APPL1: variants seen among roughly 807,000 people sequenced by gnomAD.
APPL1 encodes DCC-interacting protein 13-alpha.
Under a neutral mutation model 106.8 loss-of-function variants are expected in APPL1, and 42 were observed. The observed-to-expected ratio is 0.39, with a 90% CI of 0.31 to 0.51. The LOEUF is 0.51. Ranked by LOEUF, APPL1 falls within the 20% of genes least tolerant of loss-of-function variation. The probability of loss-of-function intolerance (pLI) is 0.75; values close to 1 mark genes in which losing one functional copy is unlikely to be tolerated. For synonymous variants in APPL1, 263 were observed against 281.8 expected, an observed-to-expected ratio of 0.93 and a Z score of 0.67; for missense variants, 769 against 858.2, an observed-to-expected ratio of 0.90 and a Z score of 1.30.
At chr3:57,242,021 G>C (rs1022893304) in intron 5 of APPL1, 80 bp from the exon 6 acceptor site, 1 of 984,214 alleles carries the variant, frequency 1.0e-6, no homozygotes, top group African/African-American at 1.7e-5. Context: ...TTTAATTATA[G>C]TTTAAGTAGC....
intron 11 of APPL1, among the ~76,000 whole-genome samples, chr3:57,250,109 T>C (rs1453459271): frequency 6.6e-6 from 1 of 152,242 alleles, no homozygotes; most frequent in East Asian, 1.9e-4. Context: ...CAGATTATTT[T>C]TCCATTAATG....
intron 20 of APPL1, 197 bp downstream of exon 20, chr3:57,267,989 G>T (rs944086614): frequency 3.8e-5 from 23 of 600,528 alleles, no homozygotes; most frequent in Non-Finnish European, 6.7e-5. Flanking sequence ...CTACTGAGGA[G>T]GTCTGAGGCA....
At position 57,252,165 on chromosome 3, in the gene APPL1, G is replaced by T; in HGVS notation, c.1053-104G>T. 3 of 919,080 alleles carry T rather than the reference G, an allele frequency of 3.3e-6. No homozygotes were observed. The South Asian group carries it at 4.8e-5, about 15-fold the overall frequency. The allele number at this position is 919,080 out of a possible 1,614,324, so 56.9% of individuals were successfully genotyped here. On this transcript the variant is annotated intron_variant, in intron 11 of 21. Coordinates refer to ENST00000288266, the MANE Select transcript of APPL1 (RefSeq NM_012096.3). ...GTTTTGTTTTTGTTCTTTTAATATC[G>T]ATTTTTATATATGCCTTTAACTTTA...
chr3:57,253,843 T>G (rs763530648), intron 13 of APPL1, 105 bp downstream of exon 13: 26 of 1,035,510 alleles, frequency 2.5e-5, no homozygotes, highest in Middle Eastern at 3.4e-4. Flanking sequence ...AATTTTTTAA[T>G]TTGACCTTGA....
chr3:57,252,356 T>A (rs763654050), intron 12 of APPL1, 45 bp downstream of exon 12: 2 of 1,423,262 alleles, frequency 1.4e-6, no homozygotes, highest in South Asian at 2.5e-5. Context: ...TTTTAAAATA[T>A]TTTTCTGATG....
At chr3:57,242,746 A>G (rs1176523662) in intron 6 of APPL1, 110 bp from the exon 7 acceptor site, 13 of 780,576 alleles carry the variant, frequency 1.7e-5, no homozygotes, top group Non-Finnish European at 2.8e-5. Flanking sequence ...GTGGTAGGAA[A>G]TTCTTGCTTT....
chr3:57,248,175 TA>T lies in APPL1; in HGVS notation c.705-16del, dbSNP rs775930134. The T allele has an allele frequency of 1.3e-6, 2 of 1,590,900 alleles. No homozygotes were observed. The highest frequency in any genetic ancestry group is 2.7e-5 in the African/African-American group (2 of 74,334). ...TTTATTGGTTGTGATTTGTAGCAAATAATCTGTTCTGTGTCAGTGTTCGCAG... is the reference window on the plus strand; with the variant it reads ...TTTATTGGTTGTGATTTGTAGCAAATATCTGTTCTGTGTCAGTGTTCGCAG... On this transcript the variant is annotated splice_polypyrimidine_tract_variant and intron_variant, in intron 9 of 21. Transcript: ENST00000288266.
At chr3:57,247,586 C>G in intron 9 of APPL1, 109 bp downstream of exon 9, 1 of 736,512 alleles carries the variant, frequency 1.4e-6, no homozygotes, top group Admixed American at 3.2e-5. Flanking sequence ...AATATTTTCC[C>G]TGCCATGAGA....
At chr3:57,232,672 A>G (rs959506125) in intron 1 of APPL1, among the ~76,000 whole-genome samples, 2 of 152,216 alleles carry the variant, frequency 1.3e-5, no homozygotes, top group East Asian at 1.9e-4. Flanking sequence ...ATGATAATGT[A>G]TAGGAAAACA....
intron 7 of APPL1, among the ~76,000 whole-genome samples, chr3:57,244,509 C>T (rs958521939): frequency 3.3e-5 from 5 of 152,138 alleles, no homozygotes; most frequent in Admixed American, 6.5e-5. Flanking sequence ...AAGTGGATAA[C>T]ACCAGTTTGG....
In APPL1 at chr3:57,269,873, C is replaced by T. The variant is rs2060923977; in HGVS notation, c.*186C>T. On this transcript the variant is annotated 3_prime_UTR_variant, in exon 22 of 22. Coordinates refer to ENST00000288266, the MANE Select transcript of APPL1 (RefSeq NM_012096.3). ...TAGGTTTGCATTGATCTTTTTTCCC[C>T]CTTAAACATAATGTACTATGTATTA... is the stretch of plus-strand genomic sequence containing the variant. 3.1e-6 allele frequency: 2 copies of T among 636,148 alleles called. No homozygotes were observed. Among genetic ancestry groups the T allele is most frequent in the Non-Finnish European group, 5.1e-6 (2 of 392,580 alleles). The allele number at this position is 636,148 out of a possible 1,614,324, so 39.4% of individuals were successfully genotyped here.
rs199533180 is a variant in APPL1 at position 57,257,039 on chromosome 3, G to A, written c.1235G>A (p.Arg412Gln). The change falls in exon 14 of 22, where the codon CGG becomes CAG. Residue 412 changes from arginine (R) to glutamine (Q), a missense_variant. Coordinates refer to ENST00000288266, the MANE Select transcript of APPL1 (RefSeq NM_012096.3). ...PSFQQRHESL[R>Q]PAAGQSRPPT... ...TTCCAGCAGAGGCACGAGAGCCTGC[G>A]GCCAGCAGCAGGGTAAGTTACCACA... 89 of 1,614,080 alleles carry A rather than the reference G, an allele frequency of 5.5e-5. No individual in the cohort carries two copies. The East Asian group carries it at 1.7e-3, about 32-fold the overall frequency.
In APPL1 at chr3:57,273,032, G is replaced by C. The variant is rs987101971; in HGVS notation, c.*3345G>C. ...AGTTTGGTTTACTCTTCTCCCATGA[G>C]ATTTTGTCTTTCTACATTAACTAGT... On this transcript the variant is annotated 3_prime_UTR_variant, in exon 22 of 22. Transcript: ENST00000288266. 6.6e-6 allele frequency: 1 copy of C among 152,564 alleles called. No individual in the cohort carries two copies. The highest frequency in any genetic ancestry group is 6.5e-5 in the Admixed American group (1 of 15,270). 9.5% of individuals were successfully genotyped at this position (152,564 alleles called of 1,614,324 possible).
Position 57,227,937 on chromosome 3 carries a change from G to T in APPL1, c.54G>T (p.Gln18His). The change falls in exon 1 of 22, where the codon CAG (glutamine) becomes CAT (histidine). Residue 18 changes from glutamine (Q) to histidine (H), a missense_variant and splice_region_variant. Gln to His is a conservative substitution (Grantham distance 24). Coordinates refer to ENST00000288266, the MANE Select transcript of APPL1 (RefSeq NM_012096.3). ...PIEETLEDSP[Q>H]TRSLLGVFEE... ...AGGAGACGCTGGAGGACAGCCCGCAGGTGAGGCGCGGGAGCTGGTGGGCGA... is the reference window on the plus strand; with the variant it reads ...AGGAGACGCTGGAGGACAGCCCGCATGTGAGGCGCGGGAGCTGGTGGGCGA... The T allele has an allele frequency of 2.1e-6, 3 of 1,440,670 alleles. No homozygotes were observed. Among genetic ancestry groups the T allele is most frequent in the Admixed American group, 2.3e-5 (1 of 43,262 alleles). The allele number at this position is 1,440,670 out of a possible 1,614,324, so 89.2% of individuals were successfully genotyped here.
At position 57,262,813 on chromosome 3, in the gene APPL1, G is replaced by GGTGTGTGT. The variant is rs4060605; in HGVS notation, c.1842+2066_1842+2073dup. On this transcript the variant is annotated intron_variant, in intron 19 of 21. Coordinates refer to ENST00000288266, the MANE Select transcript of APPL1 (RefSeq NM_012096.3). ...TTTTTCGTTTTTTGTGGGTACAAGG[G>GGTGTGTGT]GTGTGTGTGTGTGTGTGTGTGTGTG... Among the ~76,000 whole-genome samples, 43 of 142,750 alleles carry GGTGTGTGT rather than the reference G, an allele frequency of 3.0e-4. 1 individual carries two copies. Among genetic ancestry groups the GGTGTGTGT allele is most frequent in the African/African-American group, 1.1e-3 (42 of 38,658 alleles). The allele number at this position is 142,750 out of a possible 152,430, so 93.6% of individuals were successfully genotyped here. A position where few individuals can be genotyped will look rare whatever the true frequency, so the allele number is the denominator to read the frequency against.
chr3:57,237,542 TG>T lies in APPL1; in HGVS notation c.205del (p.Glu69LysfsTer14). 3 of 1,595,998 alleles carry T rather than the reference TG, an allele frequency of 1.9e-6. No homozygotes were observed. Among genetic ancestry groups the T allele is most frequent in the Non-Finnish European group, 2.6e-6 (3 of 1,169,470 alleles). On this transcript the variant is annotated frameshift_variant, in exon 3 of 22. Coordinates refer to ENST00000288266, the MANE Select transcript of APPL1 (RefSeq NM_012096.3). LOFTEE classifies it high-confidence loss of function. Reference sequence around the variant, plus strand: ...TGACCTCAAAACTTTTAAAAGAATATGAAAAACAGGTATTGTATATCAAAGT... The same window carrying T: ...TGACCTCAAAACTTTTAAAAGAATATAAAAACAGGTATTGTATATCAAAGT... ...HLTSKLLKEY[E>X]KQRFPLGGDD...
At chr3:57,258,995 C>T in intron 15 of APPL1, 33 bp from the exon 16 acceptor site, 1 of 1,542,986 alleles carries the variant, frequency 6.5e-7, no homozygotes, top group Non-Finnish European at 8.9e-7. Flanking sequence ...TGGTAACTGA[C>T]CATGTGTTCA....
chr3:57,229,945 C>G (rs1380051592), intron 1 of APPL1, among the ~76,000 whole-genome samples: 3 of 152,098 alleles, frequency 2.0e-5, no homozygotes, highest in Non-Finnish European at 4.4e-5. Context: ...AACTCCTGAC[C>G]TCAGGTGATC....
chr3:57,258,973 C>A, intron 15 of APPL1, 55 bp from the exon 16 acceptor site: 1 of 1,291,156 alleles, frequency 7.7e-7, no homozygotes, highest in South Asian at 1.3e-5. Flanking sequence ...TAGATTTCTT[C>A]TATGTGGCTC....
Sources: allele counts gnomAD v4.1 joint callset (sites outside exome capture counted in the v4.1 genomes callset), GRCh38; gene constraint gnomAD v4.1.1; transcripts MANE v1.5; gene names NCBI Gene and HGNC (gene_info 2026-07-23, HGNC 2026-07-21).